GKN1: variants seen among roughly 807,000 people sequenced by gnomAD.
The protein encoded by GKN1 is gastrokine 1.
GKN1 carries 17 observed loss-of-function variants against 19.7 expected under a neutral mutation model. The ratio of observed to expected loss-of-function variants is 0.86; its 90% CI spans 0.59 to 1.29. The LOEUF is 1.29. Among genes scored for constraint, GKN1 ranks in the 50% most tolerant of loss-of-function variants. The pLI is 0.00. For synonymous variants in GKN1, 96 were observed against 78.3 expected (o/e 1.23, Z -1.20); for missense variants, 218 against 224.5 (o/e 0.97, Z 0.19).
Position 68,974,686 on chromosome 2 carries a change from C to T in GKN1, c.9C>T (p.Phe3=), listed in dbSNP as rs1471499106. The part of the protein sequence containing the change: MK[F]TIVFAGLLGV... ...GCTTTCGTGAAGACAAGATGAAGTT[C>T]ACAGTGAGTAGATTTTTCCTTTTGA... Residue 3 remains phenylalanine (F), a synonymous_variant, in exon 1 of 6, where the codon TTC becomes TTT. Coordinates refer to ENST00000377938, the MANE Select transcript of GKN1 (RefSeq NM_019617.4). The T allele has an allele frequency of 1.9e-6, 3 of 1,580,088 alleles. No homozygotes were observed. The Admixed American group carries it at 5.0e-5, about 26-fold the overall frequency.
Position 68,974,705 on chromosome 2 carries a change from CT to C in GKN1, c.12+20del. On this transcript the variant is annotated intron_variant, in intron 1 of 5. Coordinates refer to ENST00000377938, the MANE Select transcript of GKN1 (RefSeq NM_019617.4). Reference sequence around the variant, plus strand: ...GAAGTTCACAGTGAGTAGATTTTTCCTTTTGAATTTACCACCAAATGATTGG... The same window carrying C: ...GAAGTTCACAGTGAGTAGATTTTTCCTTTGAATTTACCACCAAATGATTGG... The C allele has an allele frequency of 6.6e-7, 1 of 1,521,546 alleles. No individual in the cohort carries two copies. The highest frequency in any genetic ancestry group is 9.1e-7 in the Non-Finnish European group (1 of 1,095,650). The allele number at this position is 1,521,546 out of a possible 1,614,324, so 94.3% of individuals were successfully genotyped here. A position where few individuals can be genotyped will look rare whatever the true frequency, so the allele number is the denominator to read the frequency against.
At chr2:68,978,194 A>G (rs1269290491) in intron 3 of GKN1, 1 of 154,438 alleles carries the variant, frequency 6.5e-6, no homozygotes, top group Non-Finnish European at 1.4e-5. Flanking sequence ...AACTCGGGAA[A>G]TGTAAATGAC....
rs1670279265 is a variant in GKN1 at position 68,977,513 on chromosome 2, C to T, written c.31C>T (p.Leu11Phe). 1 of 1,610,732 alleles carries T rather than the reference C, an allele frequency of 6.2e-7. No homozygotes were observed. The highest frequency in any genetic ancestry group is 2.2e-5 in the East Asian group (1 of 44,842). Residue 11 changes from leucine to phenylalanine, a missense_variant, in exon 2 of 6, where the codon CTT becomes TTT. By Grantham distance (22) the Leu-to-Phe change is conservative. Transcript: ENST00000377938. Reference sequence around the variant, plus strand: ...ATTTCAGATTGTCTTTGCTGGACTTCTTGGAGTCTTTCTAGCTCCTGCCCT... The same window carrying T: ...ATTTCAGATTGTCTTTGCTGGACTTTTTGGAGTCTTTCTAGCTCCTGCCCT... MKFTIVFAGL[L>F]GVFLAPALAN... is the part of the protein sequence containing the mutation.
At chr2:68,977,405 T>C (rs1387551142) in intron 1 of GKN1, 90 bp from the exon 2 acceptor site, 1 of 901,418 alleles carries the variant, frequency 1.1e-6, no homozygotes, top group Non-Finnish European at 1.9e-6. Context: ...TTGGTAAAAT[T>C]AGTGAATACT....
intron 5 of GKN1, among the ~76,000 whole-genome samples, chr2:68,980,509 G>A (rs952054977): frequency 1.3e-5 from 2 of 152,140 alleles, no homozygotes; most frequent in Admixed American, 6.5e-5. Context: ...TTAATTTCTG[G>A]ACATTCAAAG....
At position 68,978,868 on chromosome 2, in the gene GKN1, C is replaced by T. The variant is rs781271783; in HGVS notation, c.205-3C>T. ...CCTCACTATTTGCCATCTACTTTAA[C>T]AGGGCTTTGCTGCAACCAGACTCTT... On this transcript the variant is annotated splice_region_variant and splice_polypyrimidine_tract_variant and intron_variant, in intron 3 of 5. Coordinates refer to ENST00000377938, the MANE Select transcript of GKN1 (RefSeq NM_019617.4). The T allele has an allele frequency of 6.4e-7, 1 of 1,573,104 alleles. No homozygotes were observed. Among genetic ancestry groups the T allele is most frequent in the Admixed American group, 1.7e-5 (1 of 59,236 alleles).
chr2:68,976,357 G>C (rs954611447), intron 1 of GKN1, among the ~76,000 whole-genome samples: 3 of 151,930 alleles, frequency 2.0e-5, no homozygotes, highest in Non-Finnish European at 4.4e-5. Flanking sequence ...TTTTAAAACA[G>C]TAACTTTCTT....
chr2:68,974,765 C>T, intron 1 of GKN1, 76 bp downstream of exon 1: 1 of 922,900 alleles, frequency 1.1e-6, no homozygotes, highest in Admixed American at 1.7e-5. Flanking sequence ...AGGAGGTCTG[C>T]TTCTTATGGC....
Position 68,980,070 on chromosome 2 carries a change from A to AT in GKN1, c.463+11dup, listed in dbSNP as rs1391124722. 6.2e-7 allele frequency: 1 copy of AT among 1,611,154 alleles called. No individual in the cohort carries two copies. Among genetic ancestry groups the AT allele is most frequent in the Non-Finnish European group, 8.5e-7 (1 of 1,177,826 alleles). ...GCTGAGGAGATGCAAGGTGAGTAGC[A>AT]TCCCTACTGTGCACCCCAAGTTAGT... On this transcript the variant is annotated intron_variant, in intron 5 of 5. Coordinates refer to ENST00000377938, the MANE Select transcript of GKN1 (RefSeq NM_019617.4).
chr2:68,978,945 C>T lies in GKN1; in HGVS notation c.279C>T (p.Ser93=). Residue 93 remains serine, a synonymous_variant, in exon 4 of 6, where the codon TCC becomes TCT. Coordinates refer to ENST00000377938, the MANE Select transcript of GKN1 (RefSeq NM_019617.4). ...VHKMNKEVMP[S]IQSLDALVKE... is the part of the protein sequence containing the mutation. ...AAATGAACAAGGAAGTCATGCCCTC[C>T]ATTCAATCCCTTGATGCACTGGTCA... 6.2e-7 allele frequency: 1 copy of T among 1,603,556 alleles called. No individual in the cohort carries two copies. Among genetic ancestry groups the T allele is most frequent in the Non-Finnish European group, 8.5e-7 (1 of 1,170,600 alleles).
At chr2:68,978,634 G>T (rs1670312996) in intron 3 of GKN1, among the ~76,000 whole-genome samples, 1 of 152,110 alleles carries the variant, frequency 6.6e-6, no homozygotes, top group Non-Finnish European at 1.5e-5. Flanking sequence ...TATCATGCTG[G>T]AACCTGGAAA....
intron 1 of GKN1, among the ~76,000 whole-genome samples, chr2:68,975,963 A>G (rs761015513): frequency 1.3e-5 from 2 of 152,186 alleles, no homozygotes; most frequent in Non-Finnish European, 2.9e-5. Context: ...GGTACCCAGA[A>G]TGAGGCACCC....
rs774655436 is a variant in GKN1, at chr2:68,979,866, T to C, written c.316-47T>C. 3.8e-6 allele frequency: 6 copies of C among 1,559,436 alleles called. No individual in the cohort carries two copies. The Admixed American group carries it at 1.0e-4, about 26-fold the overall frequency. On this transcript the variant is annotated intron_variant, in intron 4 of 5. Transcript: ENST00000377938. ...AGTCAACAAACCACTGGGCTTGGCA[T>C]TCATTCTCTCCCATTCTTCCTTTCT... is the stretch of plus-strand genomic sequence containing the variant.
chr2:68,979,789 T>C, intron 4 of GKN1, 124 bp from the exon 5 acceptor site: 1 of 708,344 alleles, frequency 1.4e-6, no homozygotes, highest in East Asian at 2.6e-5. Context: ...TCATCTTGAT[T>C]ATGGAAAAAT....
At chr2:68,979,661 G>A (rs892716455) in intron 4 of GKN1, among the ~76,000 whole-genome samples, 4 of 152,208 alleles carry the variant, frequency 2.6e-5, no homozygotes, top group African/African-American at 2.4e-5. Flanking sequence ...CCAAGTTGCA[G>A]AATAAATTAA....
At chr2:68,975,450 G>A (rs533380796) in intron 1 of GKN1, among the ~76,000 whole-genome samples, 71 of 152,240 alleles carry the variant, frequency 4.7e-4, no homozygotes, top group African/African-American at 1.7e-3. Flanking sequence ...AGGAGGAGGT[G>A]GACCGAGAAA....
rs1670265049 is a variant in GKN1 at position 68,976,540 on chromosome 2, C to T, written c.13-955C>T. On this transcript the variant is annotated intron_variant, in intron 1 of 5. Coordinates refer to ENST00000377938, the MANE Select transcript of GKN1 (RefSeq NM_019617.4). ...CATCAACAACCTGTGTAACATAAGC[C>T]ACAGTACAAATTTAAGCTGAATAAC... Among the ~76,000 whole-genome samples, 5 of 152,096 alleles carry T rather than the reference C, an allele frequency of 3.3e-5. 1 individual carries two copies. Among genetic ancestry groups the T allele is most frequent in the Admixed American group, 2.0e-4 (3 of 15,264 alleles).
At chr2:68,978,259 A>AGAAAGAAGGAAGGAAG (rs796404147) in intron 3 of GKN1, 1 of 125,052 alleles carries the variant, frequency 8.0e-6, no homozygotes, top group African/African-American at 3.7e-5. Context: ...AAAGAAAGAA[A>AGAAAGAAGGAAGGAAG]GAAGGAAGGA....
Position 68,980,715 on chromosome 2 carries a change from T to C in GKN1, c.464-14T>C. The stretch of plus-strand genomic sequence containing the variant: ...ATAGACATTAATATAGGCTTCTTCT[T>C]TTCTCTTTATTAGAGGCAAGCCTGT... On this transcript the variant is annotated splice_polypyrimidine_tract_variant and intron_variant, in intron 5 of 5. Transcript: ENST00000377938. 1.4e-6 allele frequency: 2 copies of C among 1,386,308 alleles called. No homozygotes were observed. Among genetic ancestry groups the C allele is most frequent in the South Asian group, 1.2e-5 (1 of 86,400 alleles). The allele number at this position is 1,386,308 out of a possible 1,614,324, so 85.9% of individuals were successfully genotyped here. A position where few individuals can be genotyped will look rare whatever the true frequency, so the allele number is the denominator to read the frequency against.
Sources: gnomAD v4.1 joint callset for allele counts (sites outside exome capture counted in the v4.1 genomes callset) on GRCh38, gnomAD v4.1.1 for gene constraint, MANE v1.5 for transcripts, NCBI Gene and HGNC (gene_info 2026-07-23, HGNC 2026-07-21) for gene names.